ARHGAP10: variants seen among roughly 807,000 people sequenced by gnomAD.
The protein encoded by ARHGAP10 is rho GTPase-activating protein 10.
A neutral mutation model predicts 108.6 loss-of-function variants in ARHGAP10; 87 were observed. The observed-to-expected ratio is 0.80, with a 90% CI of 0.67 to 0.96. The LOEUF is 0.96. ARHGAP10 is among the 40% of genes least tolerant of loss of function. The pLI is 0.00. For synonymous variants in ARHGAP10, 347 were observed against 341.1 expected, an observed-to-expected ratio of 1.02 and a Z score of -0.19; for missense variants, 939 against 954.5, an observed-to-expected ratio of 0.98 and a Z score of 0.21.
intron 19 of ARHGAP10, among the ~76,000 whole-genome samples, chr4:148,035,749 C>T (rs546334896): frequency 6.6e-6 from 1 of 152,320 alleles, no homozygotes; most frequent in East Asian, 1.9e-4. Context: ...CTGAGAAACA[C>T]AGTTAGCTTC....
chr4:147,983,027 G>T (rs759547556), intron 18 of ARHGAP10, among the ~76,000 whole-genome samples: 11 of 151,666 alleles, frequency 7.3e-5, no homozygotes, highest in Non-Finnish European at 1.6e-4. Context: ...CTCCAGGTGT[G>T]CATGACCATG....
At chr4:147,833,971 A>C (rs1037551616) in intron 3 of ARHGAP10, among the ~76,000 whole-genome samples, 2 of 152,192 alleles carry the variant, frequency 1.3e-5, no homozygotes, top group African/African-American at 4.8e-5. Flanking sequence ...CAGTTGTGTT[A>C]GTGTGAAAGC....
At chr4:147,737,270 C>G (rs1414450636) in intron 1 of ARHGAP10, among the ~76,000 whole-genome samples, 1 of 152,038 alleles carries the variant, frequency 6.6e-6, no homozygotes, top group Non-Finnish European at 1.5e-5. Context: ...TGTGCCTTAG[C>G]CTCCCAAGTA....
chr4:147,878,801 G>T (rs1418424230), intron 8 of ARHGAP10, among the ~76,000 whole-genome samples: 1 of 139,274 alleles, frequency 7.2e-6, no homozygotes, highest in Admixed American at 7.3e-5. Context: ...TTTTGAGTCG[G>T]AGTCTCGCTC....
At chr4:148,004,326 A>G (rs972958274) in intron 18 of ARHGAP10, among the ~76,000 whole-genome samples, 13 of 152,228 alleles carry the variant, frequency 8.5e-5, no homozygotes, top group African/African-American at 2.9e-4. Flanking sequence ...GTCAGAAACA[A>G]ATAGTCTTCA....
intron 3 of ARHGAP10, among the ~76,000 whole-genome samples, chr4:147,834,376 C>T (rs13129747): frequency 0.12 from 18,879 of 151,920 alleles, 1,241 homozygotes; most frequent in African/African-American, 0.17. Context: ...GGCTGAGGTG[C>T]GAGGATTGCT....
intron 22 of ARHGAP10, among the ~76,000 whole-genome samples, chr4:148,064,816 C>G (rs1395757367): frequency 6.6e-6 from 1 of 152,218 alleles, no homozygotes; most frequent in Non-Finnish European, 1.5e-5. Flanking sequence ...AGAAATGTTT[C>G]TGATTTGCAC....
intron 18 of ARHGAP10, among the ~76,000 whole-genome samples, chr4:148,015,136 C>T (rs1741300605): frequency 6.6e-6 from 1 of 152,170 alleles, no homozygotes; most frequent in South Asian, 2.1e-4. Context: ...GGACTCCAAA[C>T]AGGGCCCTTC....
intron 1 of ARHGAP10, among the ~76,000 whole-genome samples, chr4:147,806,390 A>T (rs1162357123): frequency 1.6e-4 from 24 of 151,420 alleles, no homozygotes; most frequent in Non-Finnish European, 2.9e-5. Flanking sequence ...CAGATAACAT[A>T]TATTATTATA....
intron 13 of ARHGAP10, among the ~76,000 whole-genome samples, chr4:147,928,113 G>A (rs1737534397): frequency 6.6e-6 from 1 of 152,214 alleles, no homozygotes; most frequent in Non-Finnish European, 1.5e-5. Context: ...ATAATACAGA[G>A]GTTACAGCTA....
chr4:147,881,286 A>G, intron 9 of ARHGAP10, among the ~76,000 whole-genome samples: 1 of 151,724 alleles, frequency 6.6e-6, no homozygotes, highest in African/African-American at 2.4e-5. Flanking sequence ...AAAAAAAGTA[A>G]CATTGGTATT....
intron 1 of ARHGAP10, among the ~76,000 whole-genome samples, chr4:147,741,665 A>G (rs1302227939): frequency 6.6e-6 from 1 of 152,058 alleles, no homozygotes; most frequent in African/African-American, 2.4e-5. Context: ...TGTATTGAGA[A>G]GGCCTTGATA....
intron 19 of ARHGAP10, 34 bp downstream of exon 19, chr4:148,023,447 A>G: frequency 2.5e-6 from 4 of 1,602,428 alleles, no homozygotes; most frequent in Non-Finnish European, 3.4e-6. Flanking sequence ...GCTTGATAGC[A>G]TGTTGAGAGT....
intron 3 of ARHGAP10, among the ~76,000 whole-genome samples, chr4:147,843,951 A>G (rs1253990400): frequency 6.6e-6 from 1 of 152,036 alleles, no homozygotes; most frequent in African/African-American, 2.4e-5. Flanking sequence ...CTACCTCTCT[A>G]CTTGCATGAC....
At chr4:147,893,712 C>G (rs796608559) in intron 10 of ARHGAP10, among the ~76,000 whole-genome samples, 3 of 151,838 alleles carry the variant, frequency 2.0e-5, no homozygotes, top group African/African-American at 7.2e-5. Context: ...TGTCTTGACT[C>G]TTCCATGTGA....
intron 14 of ARHGAP10, chr4:147,946,383 A>G: frequency 4.7e-6 from 2 of 428,288 alleles, no homozygotes; most frequent in Non-Finnish European, 8.2e-6. Context: ...CTTACTCCCA[A>G]CCCATCTCTT....
chr4:148,040,196 G>A (rs1728570806), intron 19 of ARHGAP10, among the ~76,000 whole-genome samples: 2 of 152,172 alleles, frequency 1.3e-5, no homozygotes, highest in East Asian at 1.9e-4. Flanking sequence ...CAGGCAAGTG[G>A]GGAACTTGGT....
Position 148,063,201 on chromosome 4 carries a change from C to G in ARHGAP10, c.2081C>G (p.Thr694Ser). ...MVQWLNPQSP[T>S]TTSSNSAVTP... ...CAGTGGCTTAACCCACAGTCTCCAA[C>G]CACAACAAGCTCCAACTCAGCTGTG... Residue 694 changes from threonine (T) to serine (S), a missense_variant, in exon 21 of 23, where the codon ACC becomes AGC. Transcript: ENST00000336498. 6.2e-7 allele frequency: 1 copy of G among 1,614,200 alleles called. No homozygotes were observed. Among genetic ancestry groups the G allele is most frequent in the Non-Finnish European group, 8.5e-7 (1 of 1,180,034 alleles).
chr4:147,917,695 A>G (rs186215460), intron 13 of ARHGAP10, among the ~76,000 whole-genome samples: 3 of 152,356 alleles, frequency 2.0e-5, no homozygotes, highest in Admixed American at 1.3e-4. Context: ...ATAGATGTTG[A>G]TAGAAGAATA....
Sources: gnomAD v4.1 joint callset for allele counts (sites outside exome capture counted in the v4.1 genomes callset) on GRCh38, gnomAD v4.1.1 for gene constraint, MANE v1.5 for transcripts, NCBI Gene and HGNC (gene_info 2026-07-23, HGNC 2026-07-21) for gene names.